The following RBFOX1 variants were observed in gnomAD, a reference collection of about 807,000 sequenced individuals.
RBFOX1 encodes the protein RNA binding fox-1 homolog 1.
Under a neutral mutation model 57.7 loss-of-function variants are expected in RBFOX1, and 8 were observed. The observed-to-expected ratio is 0.14, with a 90% CI of 0.08 to 0.25. RBFOX1 has a LOEUF of 0.25. Ranked by LOEUF, RBFOX1 falls within the 10% of genes least tolerant of loss-of-function variation. The probability of loss-of-function intolerance (pLI) is 1.00; values close to 1 mark genes in which losing one functional copy is unlikely to be tolerated. For synonymous variants in RBFOX1, 326 were observed against 222.4 expected (o/e 1.47, Z -4.15); for missense variants, 611 against 548.5 (o/e 1.11, Z -1.14).
chr16:6,866,067 A>G (rs958315266), intron 3 of RBFOX1, among the ~76,000 whole-genome samples: 12 of 152,176 alleles, frequency 7.9e-5, no homozygotes, highest in Admixed American at 7.9e-4. Context: ...CAGGATTGAA[A>G]TAGAAGCCAA....
chr16:5,849,036 C>T (rs903140579), intron 3 of RBFOX1, among the ~76,000 whole-genome samples: 4 of 151,578 alleles, frequency 2.6e-5, no homozygotes, highest in African/African-American at 9.7e-5. Flanking sequence ...GATAGAAGGA[C>T]CAGAATATGC....
chr16:5,441,088 G>A (rs1055145479), intron 1 of RBFOX1, among the ~76,000 whole-genome samples: 9 of 152,192 alleles, frequency 5.9e-5, no homozygotes, highest in Admixed American at 4.6e-4. Context: ...CCGTGGTTCA[G>A]ACCTAGAATA....
chr16:6,826,801 A>G (rs1342870622), intron 3 of RBFOX1, among the ~76,000 whole-genome samples: 3 of 152,156 alleles, frequency 2.0e-5, no homozygotes, highest in Non-Finnish European at 2.9e-5. Flanking sequence ...GTGAAATCTC[A>G]TGAATTTAAA....
At chr16:7,023,294 A>G (rs1242313377) in intron 3 of RBFOX1, among the ~76,000 whole-genome samples, 1 of 151,840 alleles carries the variant, frequency 6.6e-6, no homozygotes, top group African/African-American at 2.4e-5. Context: ...CCGCATCTCT[A>G]CTAAAAATAC....
chr16:5,881,630 A>G (rs1000427540), intron 4 of RBFOX1, among the ~76,000 whole-genome samples: 56 of 152,126 alleles, frequency 3.7e-4, no homozygotes, highest in African/African-American at 1.3e-3. Flanking sequence ...CTGTGAGTCA[A>G]AATTGTACCG....
chr16:6,680,411 T>C (rs2154121199), intron 3 of RBFOX1, among the ~76,000 whole-genome samples: 1 of 151,470 alleles, frequency 6.6e-6, no homozygotes, highest in Non-Finnish European at 1.5e-5. Flanking sequence ...TACAGGCACC[T>C]GCCACCACAC....
intron 2 of RBFOX1, among the ~76,000 whole-genome samples, chr16:6,357,731 T>G (rs1449604477): frequency 2.6e-5 from 4 of 151,946 alleles, no homozygotes; most frequent in Non-Finnish European, 5.9e-5. Flanking sequence ...GGTGGATCAC[T>G]TGAGGTCAGG....
At chr16:5,504,229 T>C (rs1048010425) in intron 2 of RBFOX1, among the ~76,000 whole-genome samples, 4 of 152,196 alleles carry the variant, frequency 2.6e-5, no homozygotes, top group Non-Finnish European at 5.9e-5. Flanking sequence ...TGATTATTCC[T>C]ACCCCTTCCC....
chr16:6,438,133 C>T (rs1458678745), intron 2 of RBFOX1, among the ~76,000 whole-genome samples: 3 of 152,298 alleles, frequency 2.0e-5, no homozygotes, highest in East Asian at 1.9e-4. Context: ...CTGTCCATAT[C>T]GGTGTCTTTT....
At chr16:6,783,492 A>G (rs140864992) in intron 3 of RBFOX1, among the ~76,000 whole-genome samples, 2 of 151,224 alleles carry the variant, frequency 1.3e-5, no homozygotes, top group Middle Eastern at 3.4e-3. Flanking sequence ...ATTAAAGCTT[A>G]ACTCTGGTCA....
rs565064999 is a variant in RBFOX1 at position 7,577,852 on chromosome 16, G to T, written c.271-1925G>T. Among the ~76,000 whole-genome samples, 6 of 152,214 alleles carry T rather than the reference G, an allele frequency of 3.9e-5. No individual in the cohort carries two copies. In the South Asian group the frequency reaches 1.2e-3, roughly 32 times the overall value. On this transcript the variant is annotated intron_variant, in intron 5 of 15. Coordinates refer to ENST00000550418, the MANE Select transcript of RBFOX1 (RefSeq NM_018723.4). ...CAAGGCTTCAGTGAGCCGTGATTGT[G>T]CCATGGCATTCCAGCCTGAGTGACA... is the stretch of plus-strand genomic sequence containing the variant.
chr16:6,800,913 C>T (rs527398666), intron 3 of RBFOX1, among the ~76,000 whole-genome samples: 2 of 152,096 alleles, frequency 1.3e-5, no homozygotes, highest in Non-Finnish European at 2.9e-5. Context: ...AATCTGGAAA[C>T]TAGTTTGCTA....
chr16:7,263,374 A>C (rs1374870482), intron 4 of RBFOX1, among the ~76,000 whole-genome samples: 1 of 152,162 alleles, frequency 6.6e-6, no homozygotes, highest in Non-Finnish European at 1.5e-5. Context: ...AGGAATCATC[A>C]GGAGACTAGA....
At chr16:6,887,689 G>A (rs189618784) in intron 3 of RBFOX1, among the ~76,000 whole-genome samples, 1 of 149,704 alleles carries the variant, frequency 6.7e-6, no homozygotes, top group Non-Finnish European at 1.5e-5. Flanking sequence ...TTGAGGCAGA[G>A]TCTCACTCTG....
intron 4 of RBFOX1, among the ~76,000 whole-genome samples, chr16:7,082,002 C>T (rs189818308): frequency 2.6e-5 from 4 of 152,270 alleles, no homozygotes; most frequent in East Asian, 1.9e-4. Context: ...TGAGCAGCCA[C>T]GTGGCTGAAA....
At chr16:6,975,098 A>G (rs1161126205) in intron 3 of RBFOX1, among the ~76,000 whole-genome samples, 1 of 151,984 alleles carries the variant, frequency 6.6e-6, no homozygotes, top group Non-Finnish European at 1.5e-5. Flanking sequence ...CCTCAACAAC[A>G]CCTCAGGAGT....
intron 6 of RBFOX1, among the ~76,000 whole-genome samples, chr16:7,581,691 G>C (rs1281783171): frequency 6.6e-6 from 1 of 152,038 alleles, no homozygotes; most frequent in Non-Finnish European, 1.5e-5. Context: ...CCGGTCATCA[G>C]ACCTTGATCC....
intron 4 of RBFOX1, among the ~76,000 whole-genome samples, chr16:7,238,334 A>ATAAAT (rs56100759): frequency 6.7e-6 from 1 of 150,110 alleles, no homozygotes; most frequent in Non-Finnish European, 1.5e-5. Context: ...TGGTAAAAAA[A>ATAAAT]AAATAAATAA....
intron 2 of RBFOX1, among the ~76,000 whole-genome samples, chr16:5,502,025 C>CTATTATTATTATTAT (rs58333271): frequency 2.0e-5 from 3 of 150,186 alleles, no homozygotes; most frequent in African/African-American, 7.4e-5. Context: ...GCCCAGCTCA[C>CTATTATTATTATTAT]TATTATTATT....
Sources: gnomAD v4.1 joint callset for allele counts (sites outside exome capture counted in the v4.1 genomes callset) on GRCh38, gnomAD v4.1.1 for gene constraint, MANE v1.5 for transcripts, NCBI Gene and HGNC (gene_info 2026-07-23, HGNC 2026-07-21) for gene names.